FREM2: variants seen among roughly 807,000 people sequenced by gnomAD.
The protein encoded by FREM2 is FRAS1 related extracellular matrix 2, also known as FRAS1-related extracellular matrix protein 2.
Under a neutral mutation model 219.9 loss-of-function variants are expected in FREM2, and 119 were observed. That is an observed-to-expected ratio of 0.54 (90% CI 0.47 to 0.63). FREM2 has a LOEUF of 0.63. Ranked by LOEUF, FREM2 falls within the 30% of genes least tolerant of loss-of-function variation. The pLI is 0.00. For synonymous variants in FREM2, 1,562 were observed against 1,522.8 expected (o/e 1.03, Z -0.60); for missense variants, 4,030 against 3,993.6 (o/e 1.01, Z -0.25).
At chr13:38,719,462 C>G (rs1871138481) in intron 2 of FREM2, among the ~76,000 whole-genome samples, 1 of 152,124 alleles carries the variant, frequency 6.6e-6, no homozygotes, top group African/African-American at 2.4e-5. Context: ...CTTAGGTGAT[C>G]CGCCCACCTT....
intron 6 of FREM2, among the ~76,000 whole-genome samples, chr13:38,786,974 AGTG>A: frequency 6.6e-6 from 1 of 152,262 alleles, no homozygotes; most frequent in Non-Finnish European, 1.5e-5. Context: ...ACGTGTCTCT[AGTG>A]GTAATGAGGT....
chr13:38,704,524 T>A (rs553470060), intron 2 of FREM2, among the ~76,000 whole-genome samples: 1 of 152,284 alleles, frequency 6.6e-6, no homozygotes, highest in East Asian at 1.9e-4. Context: ...CTGAGCTTTG[T>A]GTGTTCAAGT....
intron 6 of FREM2, among the ~76,000 whole-genome samples, chr13:38,811,917 T>C (rs924677710): frequency 5.8e-4 from 88 of 152,180 alleles, no homozygotes; most frequent in African/African-American, 2.1e-3. Flanking sequence ...TGTTATTGCA[T>C]TGGGCTCCAT....
chr13:38,786,162 A>C (rs747050690), intron 6 of FREM2, among the ~76,000 whole-genome samples: 6 of 152,086 alleles, frequency 3.9e-5, no homozygotes, highest in Non-Finnish European at 8.8e-5. Context: ...TGCTCCTCTT[A>C]TCTAGCTGTA....
chr13:38,747,393 A>ATGTGTGTGTGTG (rs1491337077), intron 2 of FREM2, among the ~76,000 whole-genome samples: 1 of 56,824 alleles, frequency 1.8e-5, no homozygotes, highest in African/African-American at 7.5e-5. Flanking sequence ...AGCTGATATA[A>ATGTGTGTGTGTG]TATGTGTGTG....
chr13:38,879,596 A>G (rs1300358765), intron 23 of FREM2, among the ~76,000 whole-genome samples: 1 of 152,262 alleles, frequency 6.6e-6, no homozygotes, highest in Non-Finnish European at 1.5e-5. Flanking sequence ...TTTACTGAAA[A>G]TTAACCCGAC....
At chr13:38,718,167 A>G (rs1871086365) in intron 2 of FREM2, among the ~76,000 whole-genome samples, 1 of 152,238 alleles carries the variant, frequency 6.6e-6, no homozygotes, top group South Asian at 2.1e-4. Context: ...CAAAGAATAT[A>G]GATCTACAGT....
chr13:38,730,392 T>A (rs1365250773), intron 2 of FREM2, among the ~76,000 whole-genome samples: 1 of 152,202 alleles, frequency 6.6e-6, no homozygotes, highest in Non-Finnish European at 1.5e-5. Context: ...GAACGTAACA[T>A]ATGGAAGATG....
chr13:38,829,645 CT>C (rs201951171), intron 6 of FREM2, among the ~76,000 whole-genome samples: 599 of 140,162 alleles, frequency 4.3e-3, no homozygotes, highest in Non-Finnish European at 4.1e-3. Context: ...TTATTATATC[CT>C]TTTTTTTTTT....
At chr13:38,788,599 A>T (rs1228502860) in intron 6 of FREM2, among the ~76,000 whole-genome samples, 1 of 152,150 alleles carries the variant, frequency 6.6e-6, no homozygotes, top group Admixed American at 6.6e-5. Context: ...ACCTGCACTT[A>T]GAGCTCAATC....
At chr13:38,704,477 A>C (rs2138086873) in intron 2 of FREM2, among the ~76,000 whole-genome samples, 1 of 152,336 alleles carries the variant, frequency 6.6e-6, no homozygotes, top group Admixed American at 6.5e-5. Flanking sequence ...GGGAAGAAGA[A>C]ACCTTCCAGG....
intron 2 of FREM2, among the ~76,000 whole-genome samples, chr13:38,725,120 G>A (rs1243237191): frequency 6.6e-6 from 1 of 152,198 alleles, no homozygotes; most frequent in African/African-American, 2.4e-5. Context: ...ATGCTGTATA[G>A]GCCATAGCCT....
intron 6 of FREM2, among the ~76,000 whole-genome samples, chr13:38,838,389 A>G (rs1160215493): frequency 6.6e-6 from 1 of 152,136 alleles, no homozygotes; most frequent in Non-Finnish European, 1.5e-5. Flanking sequence ...GGCTGCCCGC[A>G]ACATTTTTTC....
chr13:38,784,591 G>A lies in FREM2; in HGVS notation c.5802G>A (p.Leu1934=), dbSNP rs750546494. The A allele has an allele frequency of 1.2e-6, 2 of 1,614,180 alleles. No homozygotes were observed. Among genetic ancestry groups the A allele is most frequent in the African/African-American group, 1.3e-5 (1 of 75,056 alleles). ...TATGTVPTSV[L]SYSDYISRPE... ...CTGGAACTGTGCCGACTTCCGTGTTGTCTTACTCTGATTACATATCCAGGC... is the reference window on the plus strand; with the variant it reads ...CTGGAACTGTGCCGACTTCCGTGTTATCTTACTCTGATTACATATCCAGGC... The change falls in exon 6 of 24, where the codon TTG becomes TTA. Residue 1934 remains leucine (L), a synonymous_variant. Coordinates refer to ENST00000280481, the MANE Select transcript of FREM2 (RefSeq NM_207361.6).
chr13:38,826,290 A>G lies in FREM2; in HGVS notation c.6020-20283A>G, dbSNP rs373857041. On this transcript the variant is annotated intron_variant, in intron 6 of 23. Transcript: ENST00000280481. ...TAGATCAAATTGGATATTGCAGACC[A>G]GAAATACAAGAACCAAAGAAGTTGA... 6.6e-5 allele frequency among the ~76,000 whole-genome samples: 10 copies of G among 152,266 alleles called. No homozygotes were observed. In the East Asian group the frequency reaches 1.9e-3, roughly 29 times the overall value.
intron 6 of FREM2, chr13:38,827,335 G>A (rs557253340): frequency 6.6e-6 from 1 of 152,146 alleles, no homozygotes; most frequent in East Asian, 1.9e-4. Flanking sequence ...ACTGGGGCAG[G>A]GGCAGTCAGT....
intron 4 of FREM2, among the ~76,000 whole-genome samples, chr13:38,770,597 A>G (rs1003029526): frequency 6.6e-6 from 1 of 152,098 alleles, no homozygotes; most frequent in Non-Finnish European, 1.5e-5. Context: ...TTCTTTATAT[A>G]TTTACCAGCC....
intron 16 of FREM2, among the ~76,000 whole-genome samples, chr13:38,864,920 C>T (rs1877904727): frequency 6.6e-6 from 1 of 152,196 alleles, no homozygotes; most frequent in Non-Finnish European, 1.5e-5. Context: ...GACTTCTCTT[C>T]AAAGTATACA....
At chr13:38,815,162 G>A (rs1320066094) in intron 6 of FREM2, among the ~76,000 whole-genome samples, 1 of 152,132 alleles carries the variant, frequency 6.6e-6, no homozygotes, top group Non-Finnish European at 1.5e-5. Flanking sequence ...GGAACAAATG[G>A]TATAGCCTTC....
Sources: gnomAD v4.1 joint callset for allele counts (sites outside exome capture counted in the v4.1 genomes callset) on GRCh38, gnomAD v4.1.1 for gene constraint, MANE v1.5 for transcripts, NCBI Gene and HGNC (gene_info 2026-07-23, HGNC 2026-07-21) for gene names.